SPEN: variants seen among roughly 807,000 people sequenced by gnomAD.
SPEN encodes the protein msx2-interacting protein.
In SPEN, 18 loss-of-function variants were observed where a neutral mutation model predicts 269.9. The observed-to-expected ratio is 0.07, with a 90% confidence interval of 0.05 to 0.10. The LOEUF (loss-of-function observed/expected upper bound fraction) is 0.10. Ranked by LOEUF, SPEN falls within the 10% of genes least tolerant of loss-of-function variation. The pLI is 1.00. For missense variants in SPEN, 3,822 were observed against 4,631.2 expected (o/e 0.83, Z 5.07); for synonymous variants, 1,726 against 1,765.7 (o/e 0.98, Z 0.56).
intron 1 of SPEN, among the ~76,000 whole-genome samples, chr1:15,867,502 C>T (rs188939430): frequency 1.9e-3 from 289 of 152,218 alleles, no homozygotes; most frequent in African/African-American, 6.7e-3. Flanking sequence ...CTGGCTCATG[C>T]CACGTTTTTT....
At chr1:15,870,014 G>A (rs1404176566) in intron 1 of SPEN, among the ~76,000 whole-genome samples, 1 of 151,934 alleles carries the variant, frequency 6.6e-6, no homozygotes, top group East Asian at 1.9e-4. Flanking sequence ...GATTACAGGC[G>A]GGCACCACCA....
chr1:15,869,762 C>G (rs1434452872), intron 1 of SPEN, among the ~76,000 whole-genome samples: 1 of 152,090 alleles, frequency 6.6e-6, no homozygotes, highest in African/African-American at 2.4e-5. Context: ...GTTGTCTCTA[C>G]TGTTACAGGT....
intron 5 of SPEN, among the ~76,000 whole-genome samples, chr1:15,911,900 G>C (rs2071015801): frequency 6.6e-6 from 1 of 152,252 alleles, no homozygotes; most frequent in African/African-American, 2.4e-5. Flanking sequence ...GGTCAAGGTT[G>C]TAGTGAGCTG....
intron 1 of SPEN, among the ~76,000 whole-genome samples, chr1:15,859,012 A>G (rs565643374): frequency 1.3e-5 from 2 of 152,228 alleles, no homozygotes; most frequent in Non-Finnish European, 2.9e-5. Flanking sequence ...ACATTGGTGT[A>G]TCAGTTACTT....
chr1:15,904,478 G>GAA (rs2070936377), intron 3 of SPEN, among the ~76,000 whole-genome samples: 1 of 62,402 alleles, frequency 1.6e-5, no homozygotes, highest in Non-Finnish European at 3.3e-5. Context: ...AAAAAAAAAA[G>GAA]TGAACTAAAA....
chr1:15,913,859 A>AG (rs2071033324), intron 5 of SPEN, among the ~76,000 whole-genome samples: 1 of 152,084 alleles, frequency 6.6e-6, no homozygotes, highest in African/African-American at 2.4e-5. Flanking sequence ...CCTGTCTCCA[A>AG]GGGGGAGAAA....
chr1:15,918,510 T>C (rs1170097591), intron 6 of SPEN, among the ~76,000 whole-genome samples: 1 of 152,230 alleles, frequency 6.6e-6, no homozygotes, highest in African/African-American at 2.4e-5. Flanking sequence ...TGAGCCACGG[T>C]GCGCAGCCAG....
At position 15,933,273 on chromosome 1, in the gene SPEN, A is replaced by G; in HGVS notation, c.7033A>G (p.Asn2345Asp). ...TTRSRRKRNT[N>D]KKVVAPVESH... ...CCGATCACGCCGCAAGCGAAACACAAACAAGAAAGTGGTGGCTCCTGTAGA... is the reference window on the plus strand; with the variant it reads ...CCGATCACGCCGCAAGCGAAACACAGACAAGAAAGTGGTGGCTCCTGTAGA... The change falls in exon 11 of 15, where the codon AAC (asparagine) becomes GAC (aspartate). Residue 2345 changes from asparagine (N) to aspartate (D), a missense_variant. Asn to Asp is a conservative substitution (Grantham distance 23). This residue lies in a region of SPEN where 727 missense variants were observed against 737.9 expected (regional missense o/e 0.99). Coordinates refer to ENST00000375759, the MANE Select transcript of SPEN (RefSeq NM_015001.3). This position sits in a 1 kb window ranked among gnomAD's most constrained non-coding sequence, Gnocchi z 5.7. 2 of 1,614,124 alleles carry G rather than the reference A, an allele frequency of 1.2e-6. No individual in the cohort carries two copies. The highest frequency in any genetic ancestry group is 1.7e-6 in the Non-Finnish European group (2 of 1,180,042).
rs1441734705 is a variant in SPEN, at chr1:15,935,427, C to T, written c.9187C>T (p.Pro3063Ser). The change falls in exon 11 of 15, where the codon CCA becomes TCA. Residue 3063 changes from proline to serine, a missense_variant. This residue lies in a region of SPEN where 153 missense variants were observed against 228.5 expected (regional missense o/e 0.67). Transcript: ENST00000375759. This position sits in a 1 kb window ranked among gnomAD's most constrained non-coding sequence, Gnocchi z 7.7. ...NATVMLAAGIPVPQFISSIHP... is the reference protein window; with the variant it reads ...NATVMLAAGISVPQFISSIHP... ...CACAGTCATGCTGGCTGCAGGCATC[C>T]CAGTGCCCCAGTTCATCTCCAGCAT... is the stretch of plus-strand genomic sequence containing the variant. 2 of 1,613,980 alleles carry T rather than the reference C, an allele frequency of 1.2e-6. No individual in the cohort carries two copies. The highest frequency in any genetic ancestry group is 1.1e-5 in the South Asian group (1 of 91,084).
chr1:15,933,303 C>G lies in SPEN; in HGVS notation c.7063C>G (p.His2355Asp). 6.2e-7 allele frequency: 1 copy of G among 1,614,126 alleles called. No individual in the cohort carries two copies. Among genetic ancestry groups the G allele is most frequent in the Non-Finnish European group, 8.5e-7 (1 of 1,180,040 alleles). Reference sequence around the variant, plus strand: ...GAAAGTGGTGGCTCCTGTAGAGAGCCATGTCCCTGAATCCAACCAAGCTCA... The same window carrying G: ...GAAAGTGGTGGCTCCTGTAGAGAGCGATGTCCCTGAATCCAACCAAGCTCA... The part of the protein sequence containing the change: ...NKKVVAPVES[H>D]VPESNQAQGE... Residue 2355 changes from histidine (H) to aspartate (D), a missense_variant, in exon 11 of 15, where the codon CAT (histidine) becomes GAT (aspartate). By Grantham distance (81) the His-to-Asp change is moderately conservative. Coordinates refer to ENST00000375759, the MANE Select transcript of SPEN (RefSeq NM_015001.3). This position sits in a 1 kb window ranked among gnomAD's most constrained non-coding sequence, Gnocchi z 5.7.
Position 15,876,234 on chromosome 1 carries a change from A to C in SPEN, c.437A>C (p.His146Pro), listed in dbSNP as rs2070629044. ...ASDNRERAYE[H>P]SAYGHHERGT... ...GATAACAGGGAGCGTGCTTATGAACATAGTGCCTATGGACACCATGAACGG... is the reference window on the plus strand; with the variant it reads ...GATAACAGGGAGCGTGCTTATGAACCTAGTGCCTATGGACACCATGAACGG... The change falls in exon 3 of 15, where the codon CAT (histidine) becomes CCT (proline). Residue 146 changes from histidine (H) to proline (P), a missense_variant. By Grantham distance (77) the His-to-Pro change is moderately conservative (BLOSUM62 -2). Coordinates refer to ENST00000375759, the MANE Select transcript of SPEN (RefSeq NM_015001.3). 2 of 1,613,974 alleles carry C rather than the reference A, an allele frequency of 1.2e-6. No homozygotes were observed. The highest frequency in any genetic ancestry group is 3.3e-5 in the Admixed American group (2 of 59,984).
chr1:15,895,395 C>T (rs188970675), intron 3 of SPEN, among the ~76,000 whole-genome samples: 1 of 152,244 alleles, frequency 6.6e-6, no homozygotes, highest in African/African-American at 2.4e-5. Context: ...GCTCTAGGTA[C>T]CCATATATGT....
intron 3 of SPEN, among the ~76,000 whole-genome samples, chr1:15,884,567 A>T (rs1051337963): frequency 1.3e-5 from 2 of 152,092 alleles, no homozygotes; most frequent in African/African-American, 4.8e-5. Context: ...AGGTATGTGC[A>T]TTCAGGTGTC....
rs1366776068 is a variant in SPEN at position 15,936,207 on chromosome 1, A to G, written c.9967A>G (p.Thr3323Ala). ...TYHPPAQLTH[T>A]QFPAASSVGL... ...CCACCCCCCGGCCCAGCTCACACAC[A>G]CTCAGTTTCCCGCCGCTTCCTCTGT... Residue 3323 changes from threonine (T) to alanine (A), a missense_variant, in exon 11 of 15, where the codon ACT becomes GCT. By Grantham distance (58) the Thr-to-Ala change is moderately conservative. Coordinates refer to ENST00000375759, the MANE Select transcript of SPEN (RefSeq NM_015001.3). 5 of 1,569,138 alleles carry G rather than the reference A, an allele frequency of 3.2e-6. No individual in the cohort carries two copies. The highest frequency in any genetic ancestry group is 2.3e-5 in the South Asian group (2 of 85,350).
At chr1:15,868,119 C>T (rs2070533010) in intron 1 of SPEN, among the ~76,000 whole-genome samples, 1 of 151,670 alleles carries the variant, frequency 6.6e-6, no homozygotes, top group Non-Finnish European at 1.5e-5. Flanking sequence ...AGGAGTGAGC[C>T]ACTGCATCCG....
At chr1:15,863,806 A>C (rs1181391094) in intron 1 of SPEN, among the ~76,000 whole-genome samples, 1 of 152,154 alleles carries the variant, frequency 6.6e-6, no homozygotes, top group East Asian at 1.9e-4. Flanking sequence ...GCACCACTGC[A>C]CTCCAGCCTG....
chr1:15,937,432 C>T lies in SPEN; in HGVS notation c.10296C>T (p.Pro3432=). The T allele has an allele frequency of 1.2e-6, 2 of 1,613,818 alleles. No homozygotes were observed. Among genetic ancestry groups the T allele is most frequent in the African/African-American group, 1.3e-5 (1 of 75,016 alleles). ...AQAETGPTSF[P]SPVSVSMKPD... ...CAGAAACAGGCCCGACTTCCTTCCCCTCCCCTGTGTCTGTCTCCATGAAGC... is the reference window on the plus strand; with the variant it reads ...CAGAAACAGGCCCGACTTCCTTCCCTTCCCCTGTGTCTGTCTCCATGAAGC... Residue 3432 remains proline, a synonymous_variant, in exon 12 of 15, where the codon CCC becomes CCT. Transcript: ENST00000375759. The surrounding 1 kb of genome is among the most constrained non-coding windows in gnomAD (Gnocchi z 5.7).
Position 15,928,434 on chromosome 1 carries a change from C to A in SPEN, c.2194C>A (p.Arg732=), listed in dbSNP as rs751475729. ...ACGAAGTCAAAGTCCTGTTCACTTG[C>A]GACGTCCACAGAGTCCTGGAGCGTC... The part of the protein sequence containing the change: ...IERSQSPVHL[R]RPQSPGASPS... Residue 732 remains arginine (R), a synonymous_variant, in exon 11 of 15, where the codon CGA becomes AGA. Transcript: ENST00000375759. The surrounding 1 kb of genome is among the most constrained non-coding windows in gnomAD (Gnocchi z 5.7). 1.9e-6 allele frequency: 3 copies of A among 1,614,076 alleles called. No homozygotes were observed. Among genetic ancestry groups the A allele is most frequent in the Non-Finnish European group, 2.5e-6 (3 of 1,180,018 alleles).
intron 8 of SPEN, among the ~76,000 whole-genome samples, chr1:15,919,907 C>T (rs1433639862): frequency 3.9e-5 from 6 of 152,058 alleles, no homozygotes; most frequent in African/African-American, 1.4e-4. Flanking sequence ...ACAGAATATT[C>T]ATCTAACCAA....
Sources: gnomAD v4.1 joint callset for allele counts (sites outside exome capture counted in the v4.1 genomes callset) on GRCh38, gnomAD v4.1.1 for gene constraint, gnomAD v4.1.1 regional missense constraint, Gnocchi (gnomAD v3.1) non-coding constraint, MANE v1.5 for transcripts, NCBI Gene and HGNC (gene_info 2026-07-23, HGNC 2026-07-21) for gene names.